LRRTM4: variants seen among roughly 807,000 people sequenced by gnomAD.
LRRTM4 encodes the protein leucine-rich repeat transmembrane neuronal protein 4.
In LRRTM4, 25 loss-of-function variants were observed where a neutral mutation model predicts 47.6. The observed-to-expected ratio is 0.53, with a 90% confidence interval of 0.38 to 0.73. The LOEUF is 0.73. Ranked by LOEUF, LRRTM4 falls within the 30% of genes least tolerant of loss-of-function variation. The probability of loss-of-function intolerance (pLI) is 0.00; values close to 1 mark genes in which losing one functional copy is unlikely to be tolerated. For missense variants in LRRTM4, 638 were observed against 713.4 expected (o/e 0.89, Z 1.20); for synonymous variants, 311 against 269.5 (o/e 1.15, Z -1.51).
chr2:77,343,025 C>A (rs1002724489), intron 3 of LRRTM4, among the ~76,000 whole-genome samples: 7 of 151,914 alleles, frequency 4.6e-5, no homozygotes, highest in Non-Finnish European at 7.4e-5. Context: ...AGCTCTTTTG[C>A]AGTAAGACAG....
intron 3 of LRRTM4, among the ~76,000 whole-genome samples, chr2:77,059,003 AT>A (rs1372638396): frequency 6.6e-6 from 1 of 152,066 alleles, no homozygotes; most frequent in Non-Finnish European, 1.5e-5. Flanking sequence ...ACTTTTACAA[AT>A]TTTTTCATGA....
intron 3 of LRRTM4, among the ~76,000 whole-genome samples, chr2:76,935,896 G>C (rs768061033): frequency 6.6e-6 from 1 of 152,152 alleles, no homozygotes; most frequent in East Asian, 1.9e-4. Flanking sequence ...GGAGTGGTGA[G>C]AGAGGGCATT....
At chr2:77,234,667 A>T (rs1411189017) in intron 3 of LRRTM4, among the ~76,000 whole-genome samples, 2 of 152,182 alleles carry the variant, frequency 1.3e-5, no homozygotes, top group African/African-American at 4.8e-5. Flanking sequence ...GATTTTTTAA[A>T]ATTGCCCATA....
intron 3 of LRRTM4, among the ~76,000 whole-genome samples, chr2:76,899,321 AC>A (rs1673538127): frequency 9.6e-6 from 1 of 104,112 alleles, no homozygotes; most frequent in South Asian, 3.0e-4. Context: ...CCACACACAC[AC>A]ACACACACAC....
chr2:76,794,732 ATGGTGTAC>A (rs139868067), intron 3 of LRRTM4, among the ~76,000 whole-genome samples: 2,174 of 152,182 alleles, frequency 0.014, 49 homozygotes, highest in African/African-American at 0.049. Context: ...ATTCTTTGCT[ATGGTGTAC>A]TGTCTTGTAC....
chr2:77,351,615 TA>T (rs1417493467), intron 3 of LRRTM4, among the ~76,000 whole-genome samples: 2 of 67,440 alleles, frequency 3.0e-5, no homozygotes, highest in African/African-American at 3.1e-4. Flanking sequence ...ATGACAAATT[TA>T]TATATATATA....
chr2:76,934,531 C>T (rs1010915475), intron 3 of LRRTM4, among the ~76,000 whole-genome samples: 1 of 152,104 alleles, frequency 6.6e-6, no homozygotes, highest in African/African-American at 2.4e-5. Context: ...TGTGTAACAA[C>T]CATTTCTCCA....
intron 3 of LRRTM4, among the ~76,000 whole-genome samples, chr2:76,780,799 T>G (rs2104156996): frequency 6.6e-6 from 1 of 152,204 alleles, no homozygotes; most frequent in East Asian, 1.9e-4. Context: ...CCGTTGCTGG[T>G]GAGGAACTGC....
rs541175877 is a variant in LRRTM4 at position 76,837,801 on chromosome 2, T to C, written c.1552-88885A>G. Among the ~76,000 whole-genome samples, 377 of 152,072 alleles carry C rather than the reference T, an allele frequency of 2.5e-3. 6 individuals are homozygous for C. The highest frequency in any genetic ancestry group is 8.5e-3 in the African/African-American group (351 of 41,518). On this transcript the variant is annotated intron_variant, in intron 3 of 3. Transcript: ENST00000409884. ...GTCCTTTGTAGGGACATGGATGAAA[T>C]TGGAAATCATCATTCTCAGTAAACT... is the stretch of plus-strand genomic sequence containing the variant.
intron 3 of LRRTM4, among the ~76,000 whole-genome samples, chr2:77,140,770 G>C (rs9712212): frequency 6.6e-6 from 1 of 151,622 alleles, no homozygotes; most frequent in Non-Finnish European, 1.5e-5. Flanking sequence ...AACTCCAACA[G>C]ATTTACAAGA....
At chr2:77,117,881 GT>G (rs1671429289) in intron 3 of LRRTM4, among the ~76,000 whole-genome samples, 1 of 151,786 alleles carries the variant, frequency 6.6e-6, no homozygotes, top group South Asian at 2.1e-4. Flanking sequence ...GGCTTTATTT[GT>G]CCTCCTGCTG....
At chr2:76,768,507 G>C (rs1005105462) in intron 3 of LRRTM4, among the ~76,000 whole-genome samples, 1 of 152,102 alleles carries the variant, frequency 6.6e-6, no homozygotes, top group African/African-American at 2.4e-5. Flanking sequence ...TCTTTCTAGA[G>C]ATACACAAAT....
At chr2:77,241,475 A>T (rs1675265936) in intron 3 of LRRTM4, among the ~76,000 whole-genome samples, 1 of 152,064 alleles carries the variant, frequency 6.6e-6, no homozygotes, top group Admixed American at 6.6e-5. Context: ...ATGCAATATG[A>T]TTTCTACTGA....
At chr2:76,953,387 T>C (rs1323916953) in intron 3 of LRRTM4, among the ~76,000 whole-genome samples, 1 of 151,862 alleles carries the variant, frequency 6.6e-6, no homozygotes, top group East Asian at 2.0e-4. Flanking sequence ...AATAGTTGCT[T>C]TGAAACGGGC....
At chr2:76,812,696 T>TTTCC (rs370561225) in intron 3 of LRRTM4, among the ~76,000 whole-genome samples, 1 of 96,552 alleles carries the variant, frequency 1.0e-5, no homozygotes, top group South Asian at 3.7e-4. Flanking sequence ...TCTTTCTTTC[T>TTTCC]TTTCTTTCTT....
At chr2:76,814,605 ATAAG>A (rs1304959086) in intron 3 of LRRTM4, among the ~76,000 whole-genome samples, 1 of 152,132 alleles carries the variant, frequency 6.6e-6, no homozygotes, top group Non-Finnish European at 1.5e-5. Flanking sequence ...ATTAGGTATT[ATAAG>A]TAATTGGAGA....
chr2:76,974,195 TACATATATATATATAC>T (rs1558771597), intron 3 of LRRTM4, among the ~76,000 whole-genome samples: 5 of 115,634 alleles, frequency 4.3e-5, no homozygotes, highest in South Asian at 2.9e-4. Context: ...TACATATATA[TACATATATATATATAC>T]ACATATATAT....
At chr2:77,084,010 T>C (rs1680626354) in intron 3 of LRRTM4, among the ~76,000 whole-genome samples, 1 of 151,830 alleles carries the variant, frequency 6.6e-6, no homozygotes, top group South Asian at 2.1e-4. Flanking sequence ...TTTCACCATG[T>C]TAGCAAGGAT....
chr2:76,951,299 G>A (rs945468054), intron 3 of LRRTM4, among the ~76,000 whole-genome samples: 1 of 151,954 alleles, frequency 6.6e-6, no homozygotes, highest in African/African-American at 2.4e-5. Flanking sequence ...ATAATGATTA[G>A]GAGAGTATGA....
Sources: gnomAD v4.1 joint callset for allele counts (sites outside exome capture counted in the v4.1 genomes callset) on GRCh38, gnomAD v4.1.1 for gene constraint, MANE v1.5 for transcripts, NCBI Gene and HGNC (gene_info 2026-07-23, HGNC 2026-07-21) for gene names.